Variants in CCDC172 observed in about 807,000 individuals in gnomAD.
The protein encoded by CCDC172 is coiled-coil domain containing 172, also known as coiled-coil domain-containing protein 172.
A neutral mutation model predicts 38.0 loss-of-function variants in CCDC172; 30 were observed. The observed-to-expected ratio is 0.79, with a 90% CI of 0.59 to 1.07. The LOEUF is 1.07. CCDC172 is among the 50% of genes least tolerant of loss of function. CCDC172 has a pLI of 0.00. For missense variants in CCDC172, 297 were observed against 290.1 expected, an observed-to-expected ratio of 1.02 and a Z score of -0.17; for synonymous variants, 78 against 88.3, an observed-to-expected ratio of 0.88 and a Z score of 0.66.
At chr10:116,358,647 G>C (rs1418295194) in intron 7 of CCDC172, among the ~76,000 whole-genome samples, 1 of 152,092 alleles carries the variant, frequency 6.6e-6, no homozygotes, top group East Asian at 1.9e-4. Flanking sequence ...CACTAGAGCT[G>C]AACAAATGCT....
chr10:116,329,260 G>A (rs756820658), intron 3 of CCDC172, among the ~76,000 whole-genome samples: 1 of 152,132 alleles, frequency 6.6e-6, no homozygotes, highest in Middle Eastern at 3.2e-3. Flanking sequence ...TGTCCTTTGA[G>A]TATTGTATTA....
At chr10:116,371,501 T>C (rs1845185105) in intron 7 of CCDC172, among the ~76,000 whole-genome samples, 1 of 151,952 alleles carries the variant, frequency 6.6e-6, no homozygotes, top group Admixed American at 6.6e-5. Flanking sequence ...TGTGTGTGTA[T>C]ATGTATTCAC....
intron 5 of CCDC172, among the ~76,000 whole-genome samples, chr10:116,356,562 T>C (rs1375802296): frequency 6.6e-6 from 1 of 151,968 alleles, no homozygotes; most frequent in Non-Finnish European, 1.5e-5. Flanking sequence ...CAGAGACATG[T>C]GGAACAACAT....
At chr10:116,365,155 A>T (rs1845108690) in intron 7 of CCDC172, among the ~76,000 whole-genome samples, 1 of 152,170 alleles carries the variant, frequency 6.6e-6, no homozygotes, top group African/African-American at 2.4e-5. Context: ...CTGCAAATGT[A>T]TTAATATTCA....
intron 5 of CCDC172, among the ~76,000 whole-genome samples, chr10:116,347,151 A>G (rs1409587453): frequency 6.6e-6 from 1 of 152,206 alleles, no homozygotes; most frequent in African/African-American, 2.4e-5. Flanking sequence ...GGACTCACCT[A>G]GAGAGAATGT....
At chr10:116,361,680 C>A (rs948830586) in intron 7 of CCDC172, among the ~76,000 whole-genome samples, 14 of 152,098 alleles carry the variant, frequency 9.2e-5, no homozygotes, top group Admixed American at 9.2e-4. Flanking sequence ...ACACCTGCTA[C>A]GAGAGACTCT....
At chr10:116,355,361 A>C (rs1415010892) in intron 5 of CCDC172, among the ~76,000 whole-genome samples, 1 of 152,202 alleles carries the variant, frequency 6.6e-6, no homozygotes, top group African/African-American at 2.4e-5. Context: ...TTTGTAACCT[A>C]TGAGCAATAG....
chr10:116,378,821 T>C (rs1845279468), intron 8 of CCDC172, among the ~76,000 whole-genome samples: 1 of 152,196 alleles, frequency 6.6e-6, no homozygotes, highest in African/African-American at 2.4e-5. Flanking sequence ...AGAGGATTAC[T>C]GCACTGAAGG....
intron 8 of CCDC172, among the ~76,000 whole-genome samples, 191 bp downstream of exon 8, chr10:116,378,701 C>G (rs1845278314): frequency 6.6e-6 from 1 of 151,956 alleles, no homozygotes; most frequent in South Asian, 2.1e-4. Context: ...GAGTTAGGTG[C>G]TACATGAAGC....
At chr10:116,336,523 A>G (rs1372031618) in intron 3 of CCDC172, among the ~76,000 whole-genome samples, 2 of 151,952 alleles carry the variant, frequency 1.3e-5, no homozygotes, top group Non-Finnish European at 2.9e-5. Flanking sequence ...AAGTATAAAG[A>G]TAGATCTTTT....
At chr10:116,352,154 A>T (rs1844939580) in intron 5 of CCDC172, among the ~76,000 whole-genome samples, 1 of 152,214 alleles carries the variant, frequency 6.6e-6, no homozygotes, top group South Asian at 2.1e-4. Flanking sequence ...TTCTGCCTTA[A>T]TAGAAGGATT....
At chr10:116,325,500 C>A in intron 3 of CCDC172, 112 bp downstream of exon 3, 1 of 772,458 alleles carries the variant, frequency 1.3e-6, no homozygotes, top group Non-Finnish European at 2.1e-6. Context: ...AAGCACGTTA[C>A]TCTGTGCTGG....
intron 7 of CCDC172, among the ~76,000 whole-genome samples, chr10:116,371,696 A>T (rs1845187323): frequency 6.6e-6 from 1 of 152,102 alleles, no homozygotes; most frequent in South Asian, 2.1e-4. Context: ...CAAAACAAAA[A>T]CTTTCTTCAT....
chr10:116,362,050 C>T (rs977765592), intron 7 of CCDC172, among the ~76,000 whole-genome samples: 17 of 152,110 alleles, frequency 1.1e-4, no homozygotes, highest in African/African-American at 2.9e-4. Context: ...ACTAGCCGGG[C>T]GTGGTGGCAG....
At chr10:116,375,060 A>G (rs1021322059) in intron 7 of CCDC172, among the ~76,000 whole-genome samples, 16 of 152,150 alleles carry the variant, frequency 1.1e-4, no homozygotes, top group African/African-American at 3.9e-4. Flanking sequence ...CTGATTCAGA[A>G]TGAAATTTAA....
chr10:116,370,142 T>C (rs992310008), intron 7 of CCDC172, among the ~76,000 whole-genome samples: 1 of 150,278 alleles, frequency 6.7e-6, no homozygotes, highest in Non-Finnish European at 1.5e-5. Flanking sequence ...TTCTTATGGT[T>C]TGTCATTTAT....
chr10:116,328,909 T>C (rs1844622969), intron 3 of CCDC172, among the ~76,000 whole-genome samples: 5 of 152,130 alleles, frequency 3.3e-5, no homozygotes, highest in Admixed American at 2.6e-4. Flanking sequence ...TTGGAGTGCT[T>C]TTTTCTTTCT....
chr10:116,356,647 G>GAGAT (rs1483186704), intron 5 of CCDC172, among the ~76,000 whole-genome samples: 7 of 152,120 alleles, frequency 4.6e-5, no homozygotes, highest in African/African-American at 1.7e-4. Flanking sequence ...GAAAATTTAG[G>GAGAT]AGATGAGTCT....
chr10:116,346,698 T>A (rs1284266854), intron 5 of CCDC172, among the ~76,000 whole-genome samples: 1 of 152,106 alleles, frequency 6.6e-6, no homozygotes. Context: ...ATTGGAGCCC[T>A]CTAGTTTAGT....
Sources: gnomAD v4.1 joint callset for allele counts (sites outside exome capture counted in the v4.1 genomes callset) on GRCh38, gnomAD v4.1.1 for gene constraint, MANE v1.5 for transcripts, NCBI Gene and HGNC (gene_info 2026-07-23, HGNC 2026-07-21) for gene names.